CLYBL: variants seen among roughly 807,000 people sequenced by gnomAD.
The protein encoded by CLYBL is citramalyl-CoA lyase, mitochondrial.
Under a neutral mutation model 38.9 loss-of-function variants are expected in CLYBL, and 31 were observed. That is an observed-to-expected ratio of 0.80 (90% CI 0.60 to 1.08). The LOEUF (loss-of-function observed/expected upper bound fraction) is 1.08. CLYBL is among the 50% of genes least tolerant of loss of function. The pLI is 0.00. For synonymous variants in CLYBL, 171 were observed against 158.6 expected (o/e 1.08, Z -0.59); for missense variants, 434 against 411.6 (o/e 1.05, Z -0.47).
chr13:99,866,857 T>C lies in CLYBL; in HGVS notation c.802+450T>C, dbSNP rs539703999. On this transcript the variant is annotated intron_variant, in intron 6 of 8. Coordinates refer to ENST00000339105, the MANE Select transcript of CLYBL (RefSeq NM_206808.5). ...TGGTTTTTGTTTTGTTTTTTACTCA[T>C]AACTAGTTTTTTGCTCTTCTGCCAC... Among the ~76,000 whole-genome samples, 4 of 152,306 alleles carry C rather than the reference T, an allele frequency of 2.6e-5. No individual in the cohort carries two copies. The South Asian group carries it at 8.3e-4, about 32-fold the overall frequency.
At chr13:99,905,851 G>A (rs1419244571) in intron 9 of CLYBL, among the ~76,000 whole-genome samples, 3 of 151,374 alleles carry the variant, frequency 2.0e-5, no homozygotes, top group Admixed American at 1.3e-4. Flanking sequence ...CTGCAGCCTC[G>A]ACCTCCCCTG....
At chr13:99,834,537 A>G (rs529567558) in intron 2 of CLYBL, among the ~76,000 whole-genome samples, 1 of 152,168 alleles carries the variant, frequency 6.6e-6, no homozygotes, top group Non-Finnish European at 1.5e-5. Context: ...TGGTTCTCCC[A>G]CCCCAGCCCA....
At position 99,854,445 on chromosome 13, in the gene CLYBL, A is replaced by G. The variant is rs573889172; in HGVS notation, c.250-4416A>G. 2.6e-5 allele frequency among the ~76,000 whole-genome samples: 4 copies of G among 151,458 alleles called. No individual in the cohort carries two copies. The East Asian group carries it at 7.8e-4, about 29-fold the overall frequency. On this transcript the variant is annotated intron_variant, in intron 2 of 8. Transcript: ENST00000339105. The stretch of plus-strand genomic sequence containing the variant: ...CTCATCCTATCCGACAGTAGAATTG[A>G]TGCCGCTCTAATCCCTGGAAGTTTG...
chr13:99,795,686 A>T (rs2050008028), intron 2 of CLYBL, among the ~76,000 whole-genome samples: 1 of 152,084 alleles, frequency 6.6e-6, no homozygotes, highest in Non-Finnish European at 1.5e-5. Flanking sequence ...CTCCCTAAAC[A>T]TCTGTCAAAA....
intron 3 of CLYBL, among the ~76,000 whole-genome samples, chr13:99,861,070 C>G (rs961856529): frequency 1.3e-5 from 2 of 152,154 alleles, no homozygotes; most frequent in Admixed American, 6.5e-5. Flanking sequence ...GTGATTTCTC[C>G]CCCTTCTTCT....
At chr13:99,823,398 C>T (rs1397304886) in intron 2 of CLYBL, among the ~76,000 whole-genome samples, 2 of 152,144 alleles carry the variant, frequency 1.3e-5, no homozygotes, top group African/African-American at 2.4e-5. Context: ...CATTATGCCA[C>T]GTATCCATTA....
Position 99,630,507 on chromosome 13 carries a change from G to A in CLYBL, c.62+23750G>A, listed in dbSNP as rs907313681. On this transcript the variant is annotated intron_variant, in intron 1 of 8. Transcript: ENST00000339105. ...TTGGGGGCAGGGGAGTGCTGGCAAG[G>A]ATGAACTTTGCCTATTTCACAAGTT... Among the ~76,000 whole-genome samples, 14 of 152,342 alleles carry A rather than the reference G, an allele frequency of 9.2e-5. No homozygotes were observed. In the South Asian group the frequency reaches 1.2e-3, roughly 14 times the overall value.
At chr13:99,748,549 C>T (rs866707475) in intron 1 of CLYBL, among the ~76,000 whole-genome samples, 16 of 143,590 alleles carry the variant, frequency 1.1e-4, no homozygotes, top group Non-Finnish European at 1.5e-4. Context: ...AAGCGATTCT[C>T]CTGCCTCAGC....
At chr13:99,778,430 T>A (rs1286914975) in intron 2 of CLYBL, among the ~76,000 whole-genome samples, 1 of 152,218 alleles carries the variant, frequency 6.6e-6, no homozygotes, top group Non-Finnish European at 1.5e-5. Context: ...TCACTTCATT[T>A]TATATCTCAT....
At chr13:99,781,331 C>T (rs1328636348) in intron 2 of CLYBL, among the ~76,000 whole-genome samples, 2 of 151,714 alleles carry the variant, frequency 1.3e-5, no homozygotes, top group Non-Finnish European at 2.9e-5. Flanking sequence ...CCACCATGCC[C>T]AGCTAATTTT....
chr13:99,612,231 C>CT (rs2046636642), intron 1 of CLYBL, among the ~76,000 whole-genome samples: 1 of 151,876 alleles, frequency 6.6e-6, no homozygotes, highest in South Asian at 2.1e-4. Flanking sequence ...AAAGAACCAT[C>CT]TTTTTGTTTT....
In CLYBL at chr13:99,788,260, G is replaced by C. The variant is rs527659935; in HGVS notation, c.249+15250G>C. Among the ~76,000 whole-genome samples the C allele has an allele frequency of 7.9e-5, 12 of 152,284 alleles. No individual in the cohort carries two copies. The South Asian group carries it at 1.0e-3, about 13-fold the overall frequency. On this transcript the variant is annotated intron_variant, in intron 2 of 8. Transcript: ENST00000339105. ...TGTTGAATAGGAGTGGTGAGAGAGG[G>C]CATCCCTGTCTTGTGCCAGTTTTCA...
At chr13:99,621,763 T>G (rs2046801101) in intron 1 of CLYBL, among the ~76,000 whole-genome samples, 2 of 152,140 alleles carry the variant, frequency 1.3e-5, no homozygotes, top group Non-Finnish European at 2.9e-5. Context: ...CGATTTTTTT[T>G]TTTTTCCCTT....
chr13:99,871,859 T>C (rs1034429307), intron 7 of CLYBL, among the ~76,000 whole-genome samples: 67 of 152,256 alleles, frequency 4.4e-4, no homozygotes, highest in African/African-American at 1.6e-3. Flanking sequence ...AAATCTATCC[T>C]AGAGGTAATC....
intron 1 of CLYBL, among the ~76,000 whole-genome samples, chr13:99,758,155 A>T (rs533622932): frequency 6.6e-6 from 1 of 152,188 alleles, no homozygotes; most frequent in Admixed American, 6.5e-5. Flanking sequence ...CCAGAATTTG[A>T]CAATTTTGAA....
At chr13:99,818,613 G>A (rs190775905) in intron 2 of CLYBL, among the ~76,000 whole-genome samples, 2 of 152,300 alleles carry the variant, frequency 1.3e-5, no homozygotes, top group African/African-American at 2.4e-5. Context: ...GCTGAAATGT[G>A]TTGCGAAGTC....
chr13:99,606,719 G>A lies in CLYBL; in HGVS notation c.24G>A (p.Arg8=). The A allele has an allele frequency of 2.7e-6, 4 of 1,492,250 alleles. No individual in the cohort carries two copies. Among genetic ancestry groups the A allele is most frequent in the Non-Finnish European group, 3.5e-6 (4 of 1,127,518 alleles). 92.4% of individuals were successfully genotyped at this position (1,492,250 alleles called of 1,614,324 possible). The part of the protein sequence containing the change: MALRLLR[R]AARGAAAAAL... ...AGATGGCGCTACGTCTGCTGCGGAG[G>A]GCGGCGCGCGGAGCTGCGGCGGCGG... Residue 8 remains arginine (R), a synonymous_variant, in exon 1 of 9, where the codon AGG becomes AGA. Transcript: ENST00000339105.
At chr13:99,823,894 T>A (rs1003152351) in intron 2 of CLYBL, among the ~76,000 whole-genome samples, 1 of 152,272 alleles carries the variant, frequency 6.6e-6, no homozygotes, top group African/African-American at 2.4e-5. Context: ...TTTCCCATTC[T>A]GTCATCCAGG....
chr13:99,844,020 G>C (rs927540685), intron 2 of CLYBL, among the ~76,000 whole-genome samples: 2 of 152,262 alleles, frequency 1.3e-5, no homozygotes, highest in African/African-American at 4.8e-5. Context: ...GCCTGTGGCT[G>C]AGTAAAAAAG....
Sources: gnomAD v4.1 joint callset for allele counts (sites outside exome capture counted in the v4.1 genomes callset) on GRCh38, gnomAD v4.1.1 for gene constraint, MANE v1.5 for transcripts, NCBI Gene and HGNC (gene_info 2026-07-23, HGNC 2026-07-21) for gene names.